The following SAMD5 variants were observed in gnomAD, a reference collection of about 807,000 sequenced individuals.
SAMD5 encodes the protein sterile alpha motif domain-containing protein 5.
A neutral mutation model predicts 11.3 loss-of-function variants in SAMD5; 13 were observed. The ratio of observed to expected loss-of-function variants is 1.15; its 90% CI spans 0.75 to 1.83. The LOEUF (loss-of-function observed/expected upper bound fraction) is 1.83, where lower values mean the gene tolerates loss of function less well. Among genes scored for constraint, SAMD5 ranks in the 40% most tolerant of loss-of-function variants. The pLI, the probability that SAMD5 is intolerant of heterozygous loss-of-function variation, is 0.00. For synonymous variants in SAMD5, 129 were observed against 111.3 expected, an observed-to-expected ratio of 1.16 and a Z score of -1.00; for missense variants, 255 against 239.1, an observed-to-expected ratio of 1.07 and a Z score of -0.44.
downstream of SAMD5, among the ~76,000 whole-genome samples, chr6:147,739,089 A>G (rs1791843912): frequency 6.6e-6 from 1 of 152,164 alleles, no homozygotes; most frequent in Non-Finnish European, 1.5e-5. Context: ...CTGCCTGTCT[A>G]GGATGGTGTT....
At chr6:147,573,863 G>A (rs988685009), downstream of SAMD5, among the ~76,000 whole-genome samples, 7 of 152,262 alleles carry the variant, frequency 4.6e-5, no homozygotes, top group East Asian at 5.8e-4. Flanking sequence ...GGTGGCTCAC[G>A]CCTGTAATTC....
chr6:147,605,707 T>C (rs1446806442), intron 1 of SAMD5, among the ~76,000 whole-genome samples: 1 of 152,186 alleles, frequency 6.6e-6, no homozygotes, highest in East Asian at 1.9e-4. Flanking sequence ...TTCACATTAA[T>C]TTAATTGCAA....
chr6:147,614,615 C>T (rs903371112), intron 1 of SAMD5, among the ~76,000 whole-genome samples: 2 of 151,920 alleles, frequency 1.3e-5, no homozygotes, highest in African/African-American at 4.9e-5. Flanking sequence ...AGATGAAACT[C>T]AGTCTAAACT....
the SAMD5 span, among the ~76,000 whole-genome samples, chr6:147,857,721 G>C: frequency 7.9e-5 from 12 of 151,798 alleles, no homozygotes; most frequent in Non-Finnish European, 1.5e-4. Flanking sequence ...TCTTTATTAG[G>C]AATCAACACT....
At chr6:147,657,331 A>G (rs749660379) in intron 1 of SAMD5, among the ~76,000 whole-genome samples, 20 of 152,182 alleles carry the variant, frequency 1.3e-4, no homozygotes, top group Non-Finnish European at 2.4e-4. Context: ...CCTGAAGTTG[A>G]TAACTGTACT....
At chr6:147,718,910 C>A (rs576459784) in intron 1 of SAMD5, among the ~76,000 whole-genome samples, 1 of 152,150 alleles carries the variant, frequency 6.6e-6, no homozygotes, top group Non-Finnish European at 1.5e-5. Flanking sequence ...AGGCTGGTCT[C>A]GAACTCCTGA....
the SAMD5 span, among the ~76,000 whole-genome samples, chr6:147,936,571 A>G: frequency 5.3e-5 from 8 of 152,302 alleles, no homozygotes; most frequent in East Asian, 1.4e-3. Flanking sequence ...CCGTGATCCA[A>G]TCGCCTCCCA....
At chr6:147,776,356 C>G in the SAMD5 span, among the ~76,000 whole-genome samples, 1 of 152,158 alleles carries the variant, frequency 6.6e-6, no homozygotes, top group South Asian at 2.1e-4. Context: ...ATTTTAACTG[C>G]ATTCTTCTTG....
chr6:147,646,970 T>TTTAATA (rs1562342122), intron 1 of SAMD5, among the ~76,000 whole-genome samples: 10 of 135,080 alleles, frequency 7.4e-5, no homozygotes, highest in Non-Finnish European at 1.2e-4. Context: ...AAACCTCATC[T>TTTAATA]CTAATAATAA....
the SAMD5 span, among the ~76,000 whole-genome samples, chr6:147,762,682 G>A: frequency 4.6e-5 from 7 of 152,200 alleles, no homozygotes. Context: ...CTGAGCCTCA[G>A]TGATATTAAA....
chr6:147,651,706 C>T (rs551231206), intron 1 of SAMD5, among the ~76,000 whole-genome samples: 78 of 152,260 alleles, frequency 5.1e-4, no homozygotes, highest in Non-Finnish European at 8.2e-4. Context: ...ATAAGCCACC[C>T]GGTTTGAAGT....
At chr6:147,526,571 T>C (rs1788344692) in intron 1 of SAMD5, among the ~76,000 whole-genome samples, 1 of 152,210 alleles carries the variant, frequency 6.6e-6, no homozygotes, top group Admixed American at 6.5e-5. Context: ...CGTAACTGAA[T>C]GTGAAGGATA....
At chr6:147,611,907 G>A (rs1789792913) in intron 1 of SAMD5, among the ~76,000 whole-genome samples, 2 of 152,174 alleles carry the variant, frequency 1.3e-5, no homozygotes, top group Non-Finnish European at 2.9e-5. Flanking sequence ...TGGGCTCTAA[G>A]ACAAGTGGAA....
chr6:147,564,956 A>T lies in SAMD5; in HGVS notation c.*500A>T. On this transcript the variant is annotated 3_prime_UTR_variant, in exon 2 of 2. Coordinates refer to ENST00000367474, the MANE Select transcript of SAMD5 (RefSeq NM_001030060.3). ...TCATATAGGACCATGTTTTTATAAG[A>T]TAAGATACATAATTCTATGTAGAAT... 1 of 808,528 alleles carries T rather than the reference A, an allele frequency of 1.2e-6. No individual in the cohort carries two copies. Among genetic ancestry groups the T allele is most frequent in the Non-Finnish European group, 1.5e-6 (1 of 669,938 alleles). 50.1% of individuals were successfully genotyped at this position (808,528 alleles called of 1,614,324 possible). A position where few individuals can be genotyped will look rare whatever the true frequency, so the allele number is the denominator to read the frequency against.
At chr6:147,781,325 T>A in the SAMD5 span, among the ~76,000 whole-genome samples, 9 of 149,836 alleles carry the variant, frequency 6.0e-5, no homozygotes, top group East Asian at 1.9e-4. Context: ...CTGGCTAATT[T>A]AAAAAAAAAA....
the SAMD5 span, among the ~76,000 whole-genome samples, chr6:147,897,969 A>AGTG: frequency 7.8e-6 from 1 of 127,638 alleles, no homozygotes. Flanking sequence ...AAAAAAAAAA[A>AGTG]AAAAAAGTAG....
chr6:147,788,283 C>G, the SAMD5 span, among the ~76,000 whole-genome samples: 61 of 152,274 alleles, frequency 4.0e-4, 1 homozygote, highest in African/African-American at 1.2e-3. Context: ...ATTTTGAAAG[C>G]TAGTGACAGC....
chr6:147,635,110 T>C (rs1365824074), intron 1 of SAMD5, among the ~76,000 whole-genome samples: 2 of 152,160 alleles, frequency 1.3e-5, no homozygotes, highest in Non-Finnish European at 2.9e-5. Context: ...CATAGCTTTG[T>C]TCCATTAGTT....
rs933261137 is a variant in SAMD5, at chr6:147,568,193, A to G, written c.*3737A>G. 59 of 985,280 alleles carry G rather than the reference A, an allele frequency of 6.0e-5. No individual in the cohort carries two copies. The highest frequency in any genetic ancestry group is 2.5e-4 in the Admixed American group (4 of 16,258). 61.0% of individuals were successfully genotyped at this position (985,280 alleles called of 1,614,324 possible). A position where few individuals can be genotyped will look rare whatever the true frequency, so the allele number is the denominator to read the frequency against. ...AGAATCCAACCAAGATACAAAGCAG[A>G]TGATGGTGGATCGGCAAACTCTTTT... On this transcript the variant is annotated 3_prime_UTR_variant, in exon 2 of 2. Transcript: ENST00000367474.
Sources: gnomAD v4.1 joint callset for allele counts (sites outside exome capture counted in the v4.1 genomes callset) on GRCh38, gnomAD v4.1.1 for gene constraint, MANE v1.5 for transcripts, NCBI Gene and HGNC (gene_info 2026-07-23, HGNC 2026-07-21) for gene names.